The following COL6A5 variants were observed in gnomAD, a reference collection of about 807,000 sequenced individuals.
COL6A5 encodes the protein collagen type VI alpha 5 chain, also known as collagen alpha-5(VI) chain.
Under a neutral mutation model 65.6 loss-of-function variants are expected in COL6A5, and 48 were observed. That is an observed-to-expected ratio of 0.73 (90% confidence interval 0.58 to 0.93). The LOEUF is 0.93. Among genes scored for constraint, COL6A5 ranks in the 40% least tolerant of loss-of-function variants. The pLI is 0.00. For missense variants in COL6A5, 914 were observed against 928.3 expected, an observed-to-expected ratio of 0.98 and a Z score of 0.20; for synonymous variants, 291 against 322.8, an observed-to-expected ratio of 0.90 and a Z score of 1.05.
chr3:130,402,744 A>G (rs866696031), intron 12 of COL6A5, among the ~76,000 whole-genome samples: 1 of 152,316 alleles, frequency 6.6e-6, no homozygotes, highest in Middle Eastern at 3.4e-3. Flanking sequence ...TAGACCTTAT[A>G]TATATAAAAA....
upstream of COL6A5, among the ~76,000 whole-genome samples, chr3:130,428,743 C>T (rs1209854040): frequency 6.6e-6 from 1 of 152,134 alleles, no homozygotes; most frequent in Non-Finnish European, 1.5e-5. Flanking sequence ...TGTGTGCTGT[C>T]TGATGGCAGT....
exon 8 of COL6A5, chr3:130,484,531 A>C: frequency 2.5e-6 from 1 of 399,072 alleles, no homozygotes. Context: ...CTAACATTTC[A>C]TCTAGCAGTG....
rs115220967 is a variant in COL6A5, at chr3:130,420,784, C to T, written c.4951-369C>T. ...TGCATTTTTTTGTTACCAGGGAGGA[C>T]GAACATTTTTTTCTGTATGTCTATT... is the stretch of plus-strand genomic sequence containing the variant. On this transcript the variant is annotated intron_variant and NMD_transcript_variant, in intron 25 of 41. Coordinates refer to the COL6A5 transcript ENST00000312481. Among the ~76,000 whole-genome samples the T allele has an allele frequency of 5.2e-3, 796 of 151,984 alleles. 4 individuals carry two copies. Among genetic ancestry groups the T allele is most frequent in the African/African-American group, 0.019 (770 of 41,472 alleles).
intron 1 of COL6A5, among the ~76,000 whole-genome samples, chr3:130,354,229 T>C (rs1211788736): frequency 6.6e-6 from 1 of 152,130 alleles, no homozygotes; most frequent in African/African-American, 2.4e-5. Flanking sequence ...GTATAAATTG[T>C]CTCAGCAACA....
chr3:130,440,751 A>G (rs1316427546), exon 3 of COL6A5: 3 of 1,613,392 alleles, frequency 1.9e-6, no homozygotes, highest in East Asian at 2.2e-5. Flanking sequence ...CACCTGATAC[A>G]GCTTGGGAGA....
exon 9 of COL6A5, chr3:130,397,814 T>C (rs185709091): frequency 1.9e-6 from 3 of 1,551,656 alleles, no homozygotes; most frequent in African/African-American, 2.7e-5. Flanking sequence ...CAGAAAGCAG[T>C]GTTTGACAGC....
intron 17 of COL6A5, among the ~76,000 whole-genome samples, chr3:130,409,056 T>A (rs1373220864): frequency 1.3e-5 from 2 of 152,176 alleles, no homozygotes; most frequent in East Asian, 3.9e-4. Context: ...AATGCAGATA[T>A]AGAACATTTC....
chr3:130,459,726 T>C (rs1321400477), intron 5 of COL6A5, among the ~76,000 whole-genome samples: 1 of 124,554 alleles, frequency 8.0e-6, no homozygotes, highest in Non-Finnish European at 1.5e-5. Flanking sequence ...TTCTACTATA[T>C]TTTTTTTTTA....
exon 23 of COL6A5, chr3:130,415,647 G>T: frequency 6.5e-7 from 1 of 1,548,382 alleles, no homozygotes; most frequent in South Asian, 1.2e-5. Flanking sequence ...CACTAAAGGG[G>T]TCACAGGGAA....
chr3:130,351,244 T>C (rs1934693487), intron 1 of COL6A5, among the ~76,000 whole-genome samples: 1 of 152,210 alleles, frequency 6.6e-6, no homozygotes, highest in Non-Finnish European at 1.5e-5. Flanking sequence ...ATTCAGGACA[T>C]AGGCATGGGC....
chr3:130,360,368 G>A (rs530134630), intron 1 of COL6A5, among the ~76,000 whole-genome samples: 27 of 151,996 alleles, frequency 1.8e-4, no homozygotes, highest in African/African-American at 5.5e-4. Flanking sequence ...ATTTATTCTT[G>A]GATTCTTCAA....
In COL6A5 at chr3:130,385,371, A is replaced by G. The variant is rs1936151505; in HGVS notation, c.1861+7A>G. On this transcript the variant is annotated splice_region_variant and intron_variant and NMD_transcript_variant, in intron 5 of 41. Transcript: ENST00000312481. Reference sequence around the variant, plus strand: ...GAAATCTGCGCTGAAAAAGGTAAGCAACACAAAAAAGGCTTTATTCTCCAC... The same window carrying G: ...GAAATCTGCGCTGAAAAAGGTAAGCGACACAAAAAAGGCTTTATTCTCCAC... The G allele has an allele frequency of 6.5e-7, 1 of 1,546,076 alleles. No individual in the cohort carries two copies. The highest frequency in any genetic ancestry group is 2.0e-5 in the Admixed American group (1 of 50,058).
chr3:130,397,914 C>A, exon 9 of COL6A5: 1 of 1,550,450 alleles, frequency 6.4e-7, no homozygotes, highest in Admixed American at 2.0e-5. Flanking sequence ...AATCTGCATC[C>A]CGGGGCCAGG....
chr3:130,475,067 GAAGA>G (rs1710060774), intron 7 of COL6A5, among the ~76,000 whole-genome samples: 1 of 137,704 alleles, frequency 7.3e-6, no homozygotes, highest in Non-Finnish European at 1.6e-5. Flanking sequence ...CAATGAACTT[GAAGA>G]AAGATTAATT....
chr3:130,400,785 C>A (rs1296888970), intron 10 of COL6A5, among the ~76,000 whole-genome samples: 6 of 152,306 alleles, frequency 3.9e-5, no homozygotes, highest in Middle Eastern at 3.4e-3. Flanking sequence ...TAAATCGTTT[C>A]TCTTGAATAC....
intron 4 of COL6A5, among the ~76,000 whole-genome samples, chr3:130,444,194 C>A (rs1054114613): frequency 6.6e-6 from 1 of 152,092 alleles, no homozygotes; most frequent in African/African-American, 2.4e-5. Context: ...TTGTCCTGTT[C>A]TTTTTTCAAG....
chr3:130,471,149 G>A lies in COL6A5; in HGVS notation c.2328+182G>A, dbSNP rs1027469534. ...TGATAGCATAGGTCTGAAATTAATC[G>A]CAGATAGAACAGGACTTATATTTGA... On this transcript the variant is annotated intron_variant, in intron 7 of 7. Coordinates refer to ENST00000512836, the Ensembl canonical transcript of COL6A5. 4.6e-5 allele frequency among the ~76,000 whole-genome samples: 7 copies of A among 151,314 alleles called. No individual in the cohort carries two copies. In the South Asian group the frequency reaches 6.3e-4, roughly 14 times the overall value.
At chr3:130,413,273 C>T (rs1194477172) in intron 20 of COL6A5, among the ~76,000 whole-genome samples, 1 of 148,022 alleles carries the variant, frequency 6.8e-6, no homozygotes, top group East Asian at 1.9e-4. Flanking sequence ...TGATTTGATT[C>T]TCTAAACAGC....
intron 25 of COL6A5, 36 bp from the exon 26 acceptor site, chr3:130,421,117 T>G: frequency 1.3e-6 from 2 of 1,538,524 alleles, no homozygotes; most frequent in Non-Finnish European, 1.8e-6. Flanking sequence ...AATTTCCACC[T>G]TTGAGAAATT....
Sources: allele counts gnomAD v4.1 joint callset (sites outside exome capture counted in the v4.1 genomes callset), GRCh38; gene constraint gnomAD v4.1.1; transcripts MANE v1.5; gene names NCBI Gene and HGNC (gene_info 2026-07-23, HGNC 2026-07-21).